SPON1: variants seen among roughly 807,000 people sequenced by gnomAD.
SPON1 encodes the protein spondin 1, also known as spondin-1.
Under a neutral mutation model 111.7 loss-of-function variants are expected in SPON1, and 52 were observed. That is an observed-to-expected ratio of 0.47 (90% confidence interval 0.37 to 0.59). The LOEUF (loss-of-function observed/expected upper bound fraction) is 0.59, where lower values mean the gene tolerates loss of function less well. SPON1 is among the 20% of genes least tolerant of loss of function. The pLI, the probability that SPON1 is intolerant of heterozygous loss-of-function variation, is 0.00. For missense variants in SPON1, 957 were observed against 1,068.5 expected (o/e 0.90, Z 1.46); for synonymous variants, 410 against 395.8 (o/e 1.04, Z -0.43).
intron 6 of SPON1, among the ~76,000 whole-genome samples, chr11:14,173,262 C>A (rs1554932713): frequency 6.6e-6 from 1 of 152,132 alleles, no homozygotes; most frequent in African/African-American, 2.4e-5. Flanking sequence ...ATCGCTGATA[C>A]CCTTTCTTCC....
At chr11:14,242,068 C>T (rs1019672930) in intron 6 of SPON1, among the ~76,000 whole-genome samples, 1 of 152,124 alleles carries the variant, frequency 6.6e-6, no homozygotes, top group Admixed American at 6.5e-5. Context: ...CCAACTTCCT[C>T]TGCACCACCA....
intron 6 of SPON1, among the ~76,000 whole-genome samples, chr11:14,179,013 A>T (rs2133886369): frequency 6.6e-6 from 1 of 151,884 alleles, no homozygotes; most frequent in Non-Finnish European, 1.5e-5. Flanking sequence ...CAGCACTTTT[A>T]TACCAGTTCA....
intron 6 of SPON1, among the ~76,000 whole-genome samples, chr11:14,211,353 CA>C (rs1202561974): frequency 6.6e-6 from 1 of 152,060 alleles, no homozygotes; most frequent in Non-Finnish European, 1.5e-5. Context: ...AACAGAAAGC[CA>C]AATCATGAGC....
At chr11:14,098,645 T>G (rs1849120503) in intron 5 of SPON1, among the ~76,000 whole-genome samples, 1 of 124,182 alleles carries the variant, frequency 8.1e-6, no homozygotes, top group African/African-American at 3.1e-5. Context: ...GTGCGTGATA[T>G]GAAAGGCAGA....
intron 6 of SPON1, among the ~76,000 whole-genome samples, chr11:14,137,700 A>G (rs1847609063): frequency 6.6e-6 from 1 of 152,184 alleles, no homozygotes; most frequent in Admixed American, 6.5e-5. Flanking sequence ...GAGAATCTCA[A>G]GATGGCAGTA....
At position 14,200,814 on chromosome 11, in the gene SPON1, TAAAAA is replaced by T. The variant is rs572814576; in HGVS notation, c.826-42489_826-42485del. Among the ~76,000 whole-genome samples, 599 of 79,216 alleles carry T rather than the reference TAAAAA, an allele frequency of 7.6e-3. 3 individuals carry two copies. Among genetic ancestry groups the T allele is most frequent in the Non-Finnish European group, 0.011 (485 of 43,900 alleles). The allele number at this position is 79,216 out of a possible 152,430, so 52.0% of individuals were successfully genotyped here. ...TGGGTGACAGAGCAAGACCCTGTCT[TAAAAA>T]AAAAAAAAAAAAAAAAAAAAAAAAA... On this transcript the variant is annotated intron_variant, in intron 6 of 15. Coordinates refer to ENST00000576479, the MANE Select transcript of SPON1 (RefSeq NM_006108.4).
chr11:14,070,510 G>A (rs1848867015), intron 3 of SPON1, among the ~76,000 whole-genome samples: 1 of 152,120 alleles, frequency 6.6e-6, no homozygotes, highest in Non-Finnish European at 1.5e-5. Flanking sequence ...TTAGGGGCTG[G>A]TGACTTAACA....
chr11:14,090,824 G>GCCACCCCC lies in SPON1; in HGVS notation c.676+10805_676+10806insACCCCCCC, dbSNP rs1849046497. On this transcript the variant is annotated intron_variant, in intron 5 of 15. Coordinates refer to ENST00000576479, the MANE Select transcript of SPON1 (RefSeq NM_006108.4). The stretch of plus-strand genomic sequence containing the variant: ...CAGCCTGCTTTTATTCTCTTATCTG[G>GCCACCCCC]CCCCCCCCCCCCCCCCCCCCGCCCA... 8.9e-3 allele frequency among the ~76,000 whole-genome samples: 404 copies of GCCACCCCC among 45,578 alleles called. 21 individuals are homozygous for GCCACCCCC. Among genetic ancestry groups the GCCACCCCC allele is most frequent in the East Asian group, 0.012 (5 of 410 alleles). 29.9% of individuals were successfully genotyped at this position (45,578 alleles called of 152,430 possible).
intron 6 of SPON1, among the ~76,000 whole-genome samples, chr11:14,172,791 T>A (rs1554932638): frequency 6.6e-6 from 1 of 151,976 alleles, no homozygotes; most frequent in African/African-American, 2.4e-5. Flanking sequence ...GGTTGAAAAT[T>A]CTTTTCTTTA....
chr11:13,984,543 A>G (rs1352092975), intron 2 of SPON1, among the ~76,000 whole-genome samples: 1 of 152,136 alleles, frequency 6.6e-6, no homozygotes, highest in Non-Finnish European at 1.5e-5. Context: ...CACTCTCAAG[A>G]TAACTAATCC....
intron 10 of SPON1, among the ~76,000 whole-genome samples, 157 bp from the exon 11 acceptor site, chr11:14,257,559 G>A (rs1439308354): frequency 1.3e-5 from 2 of 152,190 alleles, no homozygotes; most frequent in African/African-American, 4.8e-5. Context: ...ATCTTTAAAG[G>A]GAAGTGGATG....
intron 6 of SPON1, among the ~76,000 whole-genome samples, chr11:14,188,315 T>C (rs1848309224): frequency 6.6e-6 from 1 of 152,176 alleles, no homozygotes; most frequent in South Asian, 2.1e-4. Flanking sequence ...TCAAATGCCA[T>C]ATTTTCAGAA....
At chr11:14,128,004 A>G (rs1554927179) in intron 5 of SPON1, among the ~76,000 whole-genome samples, 1 of 152,212 alleles carries the variant, frequency 6.6e-6, no homozygotes, top group Non-Finnish European at 1.5e-5. Context: ...CCATGATCCA[A>G]TCACCTCTCA....
At chr11:14,007,554 TG>T (rs1848371664) in intron 2 of SPON1, among the ~76,000 whole-genome samples, 1 of 152,106 alleles carries the variant, frequency 6.6e-6, no homozygotes. Context: ...AGATTAAGGG[TG>T]GGTCTGCCTT....
At chr11:14,017,324 A>T (rs1255706722) in intron 2 of SPON1, among the ~76,000 whole-genome samples, 4 of 151,680 alleles carry the variant, frequency 2.6e-5, no homozygotes, top group Non-Finnish European at 5.9e-5. Context: ...TCTTTAATTT[A>T]AAAAAAAATC....
At chr11:14,258,325 ACTT>A (rs563232269) in intron 11 of SPON1, among the ~76,000 whole-genome samples, 173 of 152,324 alleles carry the variant, frequency 1.1e-3, no homozygotes, top group African/African-American at 3.9e-3. Flanking sequence ...GAGCACTCTC[ACTT>A]CTTTGTGTCA....
At chr11:14,056,274 C>A (rs1439106357) in intron 3 of SPON1, among the ~76,000 whole-genome samples, 10 of 152,140 alleles carry the variant, frequency 6.6e-5, no homozygotes, top group Non-Finnish European at 1.0e-4. Context: ...AAGCTCTAAA[C>A]AAGGCTATAT....
intron 2 of SPON1, among the ~76,000 whole-genome samples, chr11:14,016,383 A>G (rs1848444056): frequency 6.6e-6 from 1 of 152,252 alleles, no homozygotes; most frequent in South Asian, 2.1e-4. Flanking sequence ...AACATCTGTC[A>G]GGTGAAGACT....
chr11:14,141,021 G>GCC (rs541380689), intron 6 of SPON1, among the ~76,000 whole-genome samples: 1,534 of 114,644 alleles, frequency 0.013, 59 homozygotes, highest in African/African-American at 0.045. Flanking sequence ...ATGCAGGCGT[G>GCC]CCCCCCCCAT....
Sources: allele counts gnomAD v4.1 joint callset (sites outside exome capture counted in the v4.1 genomes callset), GRCh38; gene constraint gnomAD v4.1.1; transcripts MANE v1.5; gene names NCBI Gene and HGNC (gene_info 2026-07-23, HGNC 2026-07-21).